DNAH14: variants seen among roughly 807,000 people sequenced by gnomAD.
The protein encoded by DNAH14 is axonemal beta dynein heavy chain 14.
A neutral mutation model predicts 520.9 loss-of-function variants in DNAH14; 478 were observed. The observed-to-expected ratio is 0.92, with a 90% CI of 0.85 to 0.99. The LOEUF is 0.99. Ranked by LOEUF, DNAH14 falls within the 50% of genes least tolerant of loss-of-function variation. DNAH14 has a pLI of 0.00. For synonymous variants in DNAH14, 1,581 were observed against 1,757.2 expected (o/e 0.90, Z 2.51); for missense variants, 4,831 against 5,234.5 (o/e 0.92, Z 2.38).
At chr1:225,032,873 T>C (rs1158042258) in intron 11 of DNAH14, among the ~76,000 whole-genome samples, 2 of 152,206 alleles carry the variant, frequency 1.3e-5, no homozygotes, top group East Asian at 3.8e-4. Flanking sequence ...GGCTGCTGTA[T>C]GTCTTCTTTT....
At chr1:225,372,022 C>T (rs1293008335) in intron 77 of DNAH14, among the ~76,000 whole-genome samples, 1 of 152,098 alleles carries the variant, frequency 6.6e-6, no homozygotes, top group Admixed American at 6.5e-5. Flanking sequence ...GAAATAGAGG[C>T]ACAGTACACC....
rs978425876 is a variant in DNAH14, at chr1:225,166,249, T to C, written c.5446-1690T>C. Among the ~76,000 whole-genome samples, 6 of 152,188 alleles carry C rather than the reference T, an allele frequency of 3.9e-5. 1 individual carries two copies. Among genetic ancestry groups the C allele is most frequent in the African/African-American group, 9.7e-5 (4 of 41,448 alleles). Reference sequence around the variant, plus strand: ...TTGAGCCTTCTTATATATTCATCTTTTCATCAGCTTTACAAGTCAGTATAT... The same window carrying C: ...TTGAGCCTTCTTATATATTCATCTTCTCATCAGCTTTACAAGTCAGTATAT... On this transcript the variant is annotated intron_variant, in intron 35 of 85. Coordinates refer to ENST00000682510, the MANE Select transcript of DNAH14 (RefSeq NM_001367479.1).
chr1:225,152,276 A>T (rs1308203062), intron 32 of DNAH14, among the ~76,000 whole-genome samples: 1 of 152,174 alleles, frequency 6.6e-6, no homozygotes, highest in African/African-American at 2.4e-5. Flanking sequence ...CACATTCATT[A>T]AGCTACTGAC....
At chr1:225,108,882 G>T (rs1220816918) in intron 23 of DNAH14, among the ~76,000 whole-genome samples, 1 of 152,108 alleles carries the variant, frequency 6.6e-6, no homozygotes, top group Non-Finnish European at 1.5e-5. Context: ...ATTTTAATTT[G>T]ATTTTTGTAT....
intron 44 of DNAH14, among the ~76,000 whole-genome samples, chr1:225,255,125 C>T (rs865853837): frequency 8.5e-5 from 13 of 152,148 alleles, no homozygotes; most frequent in African/African-American, 2.4e-4. Context: ...TTCTTGTTAT[C>T]ATGGGCAGGG....
chr1:225,094,833 A>C (rs1359897996), intron 21 of DNAH14, among the ~76,000 whole-genome samples: 5 of 150,688 alleles, frequency 3.3e-5, no homozygotes, highest in Admixed American at 2.6e-4. Flanking sequence ...AAAAAAAAAA[A>C]AACAACCCCA....
chr1:225,205,423 T>A (rs1410631063), intron 39 of DNAH14, among the ~76,000 whole-genome samples: 1 of 152,186 alleles, frequency 6.6e-6, no homozygotes, highest in Non-Finnish European at 1.5e-5. Context: ...ATCTTGGACT[T>A]CCAAACCTCC....
chr1:225,392,599 C>A, intron 84 of DNAH14, 148 bp downstream of exon 84: 2 of 874,520 alleles, frequency 2.3e-6, no homozygotes, highest in Non-Finnish European at 3.4e-6. Context: ...GCTTCAAGTC[C>A]AAATGCCCTC....
intron 23 of DNAH14, among the ~76,000 whole-genome samples, chr1:225,111,832 C>T (rs533975630): frequency 6.4e-4 from 98 of 152,034 alleles, no homozygotes; most frequent in Middle Eastern, 3.4e-3. Context: ...TACCATGAGG[C>T]TTGCAAATAA....
chr1:225,125,810 G>C (rs546137773), intron 27 of DNAH14, among the ~76,000 whole-genome samples: 1 of 152,156 alleles, frequency 6.6e-6, no homozygotes, highest in African/African-American at 2.4e-5. Flanking sequence ...CTTTCAGCCT[G>C]TTTTGGCTTT....
chr1:225,347,172 G>T (rs568789785), intron 71 of DNAH14, among the ~76,000 whole-genome samples: 30 of 152,256 alleles, frequency 2.0e-4, no homozygotes, highest in African/African-American at 6.5e-4. Flanking sequence ...CAGTCACGTT[G>T]TTATGCTGTG....
chr1:225,265,407 G>A lies in DNAH14; in HGVS notation c.7410+38G>A, dbSNP rs764019270. 4.8e-6 allele frequency: 7 copies of A among 1,451,700 alleles called. No individual in the cohort carries two copies. In the South Asian group the frequency reaches 5.9e-5, roughly 12 times the overall value. The allele number at this position is 1,451,700 out of a possible 1,614,324, so 89.9% of individuals were successfully genotyped here. A position where few individuals can be genotyped will look rare whatever the true frequency, so the allele number is the denominator to read the frequency against. On this transcript the variant is annotated intron_variant, in intron 48 of 85. Coordinates refer to ENST00000682510, the MANE Select transcript of DNAH14 (RefSeq NM_001367479.1). Reference sequence around the variant, plus strand: ...TCATACCTGTTCAATAATCTGCTTAGGCTAGTCAAGTGATAGTTTATTTTA... The same window carrying A: ...TCATACCTGTTCAATAATCTGCTTAAGCTAGTCAAGTGATAGTTTATTTTA...
chr1:224,958,929 G>A (rs2060677582), intron 3 of DNAH14, among the ~76,000 whole-genome samples: 1 of 152,008 alleles, frequency 6.6e-6, no homozygotes, highest in South Asian at 2.1e-4. Context: ...CTAAGGAATA[G>A]GATTTTTTTT....
intron 4 of DNAH14, among the ~76,000 whole-genome samples, chr1:224,962,048 T>C (rs1227987567): frequency 1.3e-5 from 2 of 152,146 alleles, no homozygotes; most frequent in Non-Finnish European, 2.9e-5. Context: ...ATTTCAAATA[T>C]ACAATATAGA....
At chr1:225,159,164 C>T (rs564780568) in intron 34 of DNAH14, 150 bp from the exon 35 acceptor site, 14 of 624,678 alleles carry the variant, frequency 2.2e-5, no homozygotes, top group Admixed American at 2.1e-4. Flanking sequence ...TGATTAATTC[C>T]ACCCAAACCA....
intron 27 of DNAH14, among the ~76,000 whole-genome samples, chr1:225,136,953 A>G (rs1430510453): frequency 6.6e-6 from 1 of 152,090 alleles, no homozygotes; most frequent in African/African-American, 2.4e-5. Flanking sequence ...TGCTATTGAT[A>G]CTTGTGATTG....
rs1024125381 is a variant in DNAH14 at position 225,346,540 on chromosome 1, G to A, written c.11182G>A (p.Gly3728Arg). The change falls in exon 71 of 86, where the codon GGA becomes AGA. Residue 3728 changes from glycine to arginine, a missense_variant. Transcript: ENST00000682510. ...TGTAATCATGCAAAACAATGCTAAT[G>A]GAAATCTAATACAGGATGACATTGG... ...CTVIMQNNAN[G>R]NLIQDDIGFL... 3 of 1,551,108 alleles carry A rather than the reference G, an allele frequency of 1.9e-6. No individual in the cohort carries two copies. The Admixed American group carries it at 5.9e-5, about 30-fold the overall frequency.
intron 60 of DNAH14, among the ~76,000 whole-genome samples, chr1:225,310,044 T>G (rs549868247): frequency 8.6e-4 from 130 of 150,364 alleles, no homozygotes; most frequent in African/African-American, 2.7e-3. Context: ...AATAAATAAA[T>G]AAAAATAAAA....
chr1:225,158,454 G>A (rs1214434714), intron 34 of DNAH14, among the ~76,000 whole-genome samples: 2 of 152,070 alleles, frequency 1.3e-5, no homozygotes, highest in African/African-American at 4.8e-5. Context: ...CATTTTTGGT[G>A]GCAGGACACC....
Sources: gnomAD v4.1 joint callset for allele counts (sites outside exome capture counted in the v4.1 genomes callset) on GRCh38, gnomAD v4.1.1 for gene constraint, MANE v1.5 for transcripts, NCBI Gene and HGNC (gene_info 2026-07-23, HGNC 2026-07-21) for gene names.